The following KLF8 variants were observed in gnomAD, a reference collection of about 807,000 sequenced individuals.
The protein encoded by KLF8 is Krueppel-like factor 8.
In KLF8, 10 loss-of-function variants were observed where a neutral mutation model predicts 18.2. The observed-to-expected ratio is 0.55, with a 90% CI of 0.34 to 0.93. The LOEUF is 0.93. Among genes scored for constraint, KLF8 ranks in the 40% least tolerant of loss-of-function variants. The pLI, the probability that KLF8 is intolerant of heterozygous loss-of-function variation, is 0.02. For missense variants in KLF8, 264 were observed against 277.9 expected (o/e 0.95, Z 0.36); for synonymous variants, 109 against 97.3 (o/e 1.12, Z -0.71).
At chrX:56,249,505 C>A (rs1001269366) in intron 1 of KLF8, among the ~76,000 whole-genome samples, 1 of 111,606 alleles carries the variant, frequency 9.0e-6, no homozygotes, top group Non-Finnish European at 1.9e-5. Context: ...ATTTAACAAA[C>A]CCCACCCCCA....
At chrX:56,009,554 C>T in the KLF8 span, among the ~76,000 whole-genome samples, 1 of 112,025 alleles carries the variant, frequency 8.9e-6, no homozygotes, top group African/African-American at 3.2e-5. Flanking sequence ...GACTTTTCTC[C>T]TCCAAATGAT....
Position 56,289,906 on chromosome X carries a change from C to A in KLF8, c.*5412C>A, listed in dbSNP as rs932801611. Among the ~76,000 whole-genome samples the A allele has an allele frequency of 9.0e-6, 1 of 111,296 alleles. No individual in the cohort carries two copies. The highest frequency in any genetic ancestry group is 3.3e-5 in the African/African-American group (1 of 30,572). On this transcript the variant is annotated 3_prime_UTR_variant, in exon 6 of 6. Coordinates refer to ENST00000468660, the MANE Select transcript of KLF8 (RefSeq NM_007250.5). The stretch of plus-strand genomic sequence containing the variant: ...TGAGTTCCAAGATTCTGGGGTCTAT[C>A]CTGCCCCCAAAAAGTTTTCTCATGA...
At chrX:56,081,397 G>A in the KLF8 span, among the ~76,000 whole-genome samples, 1 of 111,696 alleles carries the variant, frequency 9.0e-6, no homozygotes, top group African/African-American at 3.3e-5. Context: ...GATCTCTTGC[G>A]ATGTTTATAT....
At chrX:55,961,286 G>A in the KLF8 span, 1 of 376,038 alleles carries the variant, frequency 2.7e-6, no homozygotes, top group Admixed American at 3.1e-5. Flanking sequence ...CACAGCCTCT[G>A]CCAGAGGTCC....
the KLF8 span, among the ~76,000 whole-genome samples, chrX:56,015,596 T>G: frequency 8.9e-6 from 1 of 112,053 alleles, no homozygotes; most frequent in Non-Finnish European, 1.9e-5. Context: ...AATACATAGG[T>G]CTCTTGTAGC....
At chrX:56,192,140 G>T in the KLF8 span, among the ~76,000 whole-genome samples, 1 of 111,851 alleles carries the variant, frequency 8.9e-6, no homozygotes, top group African/African-American at 3.2e-5. Context: ...AGGATAAAAA[G>T]TGAACATGCA....
chrX:56,115,080 A>G, the KLF8 span, among the ~76,000 whole-genome samples: 5 of 111,326 alleles, frequency 4.5e-5, no homozygotes, highest in African/African-American at 1.6e-4. Context: ...ATTTGTGGTA[A>G]GATTATGTTT....
chrX:56,137,945 G>A, the KLF8 span, among the ~76,000 whole-genome samples: 9 of 105,002 alleles, frequency 8.6e-5, no homozygotes, highest in African/African-American at 3.1e-4. Flanking sequence ...GAATAAGATT[G>A]GTAGACTGCT....
At chrX:56,022,474 G>A in the KLF8 span, among the ~76,000 whole-genome samples, 5 of 101,853 alleles carry the variant, frequency 4.9e-5, no homozygotes, top group Non-Finnish European at 7.9e-5. Flanking sequence ...GCGTGAACCC[G>A]GGAGGCAGAG....
At chrX:56,006,377 T>C in the KLF8 span, among the ~76,000 whole-genome samples, 13,155 of 111,561 alleles carry the variant, frequency 0.12, 1,915 homozygotes, top group African/African-American at 0.41. Flanking sequence ...ATGGTAGCTC[T>C]GTACATGGTT....
chrX:56,254,846 AG>A lies in KLF8; in HGVS notation c.81+4547del, dbSNP rs757257550. Among the ~76,000 whole-genome samples, 3 of 110,984 alleles carry A rather than the reference AG, an allele frequency of 2.7e-5. No individual in the cohort carries two copies. The East Asian group carries it at 8.6e-4, about 32-fold the overall frequency. ...GCCTGGGTTTTTATGGGCACAGGAT[AG>A]GGGGCAGGGTCAACCATGGGTGGTT... On this transcript the variant is annotated intron_variant, in intron 2 of 5. Coordinates refer to ENST00000468660, the MANE Select transcript of KLF8 (RefSeq NM_007250.5).
the KLF8 span, among the ~76,000 whole-genome samples, chrX:55,990,341 G>A: frequency 8.9e-6 from 1 of 112,097 alleles, no homozygotes; most frequent in African/African-American, 3.2e-5. Flanking sequence ...GGCATTTAAT[G>A]CTGTAAATTT....
chrX:55,948,370 TC>T, the KLF8 span, among the ~76,000 whole-genome samples: 2 of 112,080 alleles, frequency 1.8e-5, no homozygotes, highest in African/African-American at 6.5e-5. Flanking sequence ...GTACTTTATT[TC>T]TGAAACTAGC....
At chrX:56,081,002 G>A in the KLF8 span, among the ~76,000 whole-genome samples, 1,303 of 110,652 alleles carry the variant, frequency 0.012, 28 homozygotes, top group African/African-American at 0.04. Context: ...AGCTCCATCA[G>A]CTCCTTTAAG....
chrX:55,914,140 A>G, the KLF8 span, among the ~76,000 whole-genome samples: 1 of 112,161 alleles, frequency 8.9e-6, no homozygotes, highest in East Asian at 2.8e-4. Context: ...CATTTTTACA[A>G]GAATAATAAC....
upstream of KLF8, among the ~76,000 whole-genome samples, chrX:56,229,890 A>T (rs1001577409): frequency 1.8e-4 from 20 of 112,348 alleles, no homozygotes; most frequent in African/African-American, 3.2e-5. Flanking sequence ...ATGAAAGAAC[A>T]GATGGGAAAG....
Position 56,286,455 on chromosome X carries a change from G to C in KLF8, c.*1961G>C, listed in dbSNP as rs1404574847. The C allele has an allele frequency of 8.9e-6, 1 of 112,151 alleles. No homozygotes were observed. The highest frequency in any genetic ancestry group is 1.9e-5 in the Non-Finnish European group (1 of 53,213). The allele number at this position is 112,151 out of a possible 1,213,427, so 9.2% of individuals were successfully genotyped here. On this transcript the variant is annotated 3_prime_UTR_variant, in exon 6 of 6. Coordinates refer to ENST00000468660, the MANE Select transcript of KLF8 (RefSeq NM_007250.5). ...GGTGTGAGTCACCACACCTGGCCAGGATCACATTATTAAACCAAATTAAAG... is the reference window on the plus strand; with the variant it reads ...GGTGTGAGTCACCACACCTGGCCAGCATCACATTATTAAACCAAATTAAAG...
chrX:56,061,386 A>G, the KLF8 span, among the ~76,000 whole-genome samples: 1 of 111,764 alleles, frequency 8.9e-6, no homozygotes. Context: ...ATTGGTTTCG[A>G]AGAACTTATT....
At chrX:56,063,857 G>A in the KLF8 span, among the ~76,000 whole-genome samples, 1 of 110,863 alleles carries the variant, frequency 9.0e-6, no homozygotes, top group Admixed American at 9.7e-5. Context: ...GCCCAGAGCA[G>A]AGGAATCTAG....
Sources: gnomAD v4.1 joint callset for allele counts (sites outside exome capture counted in the v4.1 genomes callset) on GRCh38, gnomAD v4.1.1 for gene constraint, MANE v1.5 for transcripts, NCBI Gene and HGNC (gene_info 2026-07-23, HGNC 2026-07-21) for gene names.